PALLD: variants seen among roughly 807,000 people sequenced by gnomAD.
The protein encoded by PALLD is palladin, cytoskeletal associated protein.
A neutral mutation model predicts 123.5 loss-of-function variants in PALLD; 61 were observed. That is an observed-to-expected ratio of 0.49 (90% CI 0.40 to 0.61). The LOEUF is 0.61. Ranked by LOEUF, PALLD falls within the 20% of genes least tolerant of loss-of-function variation. The pLI is 0.00. For missense variants in PALLD, 1,273 were observed against 1,377.0 expected (o/e 0.92, Z 1.20); for synonymous variants, 465 against 496.4 (o/e 0.94, Z 0.84).
At chr4:168,587,749 A>G (rs1193170953) in intron 2 of PALLD, among the ~76,000 whole-genome samples, 3 of 151,990 alleles carry the variant, frequency 2.0e-5, no homozygotes, top group African/African-American at 7.3e-5. Flanking sequence ...TTTCCACCAT[A>G]CAGAAATCCA....
intron 2 of PALLD, among the ~76,000 whole-genome samples, chr4:168,556,431 A>G (rs1767314713): frequency 6.6e-6 from 1 of 152,180 alleles, no homozygotes. Flanking sequence ...CAGAAGTTGA[A>G]GAAGAAGAAG....
At chr4:168,724,565 C>T (rs73864629) in intron 10 of PALLD, among the ~76,000 whole-genome samples, 243 of 152,254 alleles carry the variant, frequency 1.6e-3, no homozygotes, top group African/African-American at 5.6e-3. Flanking sequence ...CCATATGTGA[C>T]AAGGAATTAG....
At chr4:168,752,349 G>A (rs1052296916) in intron 10 of PALLD, among the ~76,000 whole-genome samples, 9 of 152,352 alleles carry the variant, frequency 5.9e-5, no homozygotes, top group African/African-American at 2.2e-4. Context: ...AGTCCAGCCT[G>A]AGGGAGACCC....
chr4:168,662,647 C>G (rs1779236301), intron 2 of PALLD, among the ~76,000 whole-genome samples: 1 of 152,146 alleles, frequency 6.6e-6, no homozygotes, highest in African/African-American at 2.4e-5. Flanking sequence ...CTAAATGATA[C>G]CAGCAACAAG....
chr4:168,826,613 T>G (rs1219967943), intron 10 of PALLD, among the ~76,000 whole-genome samples: 1 of 152,210 alleles, frequency 6.6e-6, no homozygotes, highest in East Asian at 1.9e-4. Flanking sequence ...CAGATTATTT[T>G]TTTTACTCTG....
chr4:168,860,569 A>G (rs1054635534), intron 10 of PALLD, among the ~76,000 whole-genome samples: 2 of 152,184 alleles, frequency 1.3e-5, no homozygotes, highest in Non-Finnish European at 2.9e-5. Context: ...ACTGCCTGTA[A>G]TCCTGCACTC....
Position 168,904,183 on chromosome 4 carries a change from G to A in PALLD, c.2622+277G>A, listed in dbSNP as rs182277102. The A allele has an allele frequency of 1.9e-3, 798 of 422,276 alleles. 4 individuals carry two copies. The highest frequency in any genetic ancestry group is 6.8e-3 in the Admixed American group (195 of 28,798). The allele number at this position is 422,276 out of a possible 1,614,324, so 26.2% of individuals were successfully genotyped here. A position where few individuals can be genotyped will look rare whatever the true frequency, so the allele number is the denominator to read the frequency against. ...CTATGTGGGTGATGGGGTTGCAGTG[G>A]TAGACTGGACAAAGTCCTATGGTAA... On this transcript the variant is annotated intron_variant, in intron 15 of 21. Coordinates refer to ENST00000505667, the MANE Select transcript of PALLD (RefSeq NM_001166108.2).
intron 10 of PALLD, among the ~76,000 whole-genome samples, chr4:168,864,182 A>C (rs1749921166): frequency 1.3e-5 from 2 of 152,262 alleles, no homozygotes; most frequent in Non-Finnish European, 2.9e-5. Flanking sequence ...CGGGACAGTC[A>C]GCTACACATT....
Position 168,891,056 on chromosome 4 carries a change from C to T in PALLD, c.2099C>T (p.Pro700Leu), listed in dbSNP as rs1255873290. Reference protein sequence around the residue: ...FKEDLLNNGQPRLTYEERMAR... With the variant: ...FKEDLLNNGQLRLTYEERMAR... The stretch of plus-strand genomic sequence containing the variant: ...GAGGACCTCCTGAACAATGGCCAGC[C>T]GGTACTGATAGATTTGGGACCTGGA... The change falls in exon 11 of 22, where the codon CCG (proline) becomes CTG (leucine). Residue 700 changes from proline to leucine, a missense_variant and splice_region_variant. Physicochemically the swap from Pro to Leu is moderately conservative, Grantham distance 98. This residue lies in a region of PALLD where 944 missense variants were observed against 954.5 expected (regional missense o/e 0.99). Transcript: ENST00000505667. The T allele has an allele frequency of 7.4e-6, 12 of 1,613,882 alleles. No individual in the cohort carries two copies. The highest frequency in any genetic ancestry group is 2.2e-5 in the East Asian group (1 of 44,892).
chr4:168,765,596 C>G (rs1016552303), intron 10 of PALLD, among the ~76,000 whole-genome samples: 1 of 152,224 alleles, frequency 6.6e-6, no homozygotes, highest in African/African-American at 2.4e-5. Flanking sequence ...CACTGCAGAA[C>G]TGGGTTCCGG....
intron 2 of PALLD, among the ~76,000 whole-genome samples, chr4:168,612,033 G>T (rs1258979620): frequency 6.6e-6 from 1 of 152,072 alleles, no homozygotes; most frequent in Non-Finnish European, 1.5e-5. Flanking sequence ...GGTGGTACAT[G>T]CCTATAGTCC....
chr4:168,925,352 G>T, intron 21 of PALLD, 74 bp downstream of exon 21: 1 of 1,134,582 alleles, frequency 8.8e-7, no homozygotes, highest in East Asian at 2.3e-5. Flanking sequence ...GTTAGTTGTG[G>T]CTTCCTTACT....
chr4:168,672,660 G>C (rs1448980900), intron 3 of PALLD, among the ~76,000 whole-genome samples: 37 of 151,914 alleles, frequency 2.4e-4, no homozygotes, highest in Admixed American at 2.4e-3. Flanking sequence ...GGGTTTCGCC[G>C]TGTTAGCCAG....
chr4:168,892,589 C>A (rs1009741328), intron 11 of PALLD, among the ~76,000 whole-genome samples: 1 of 152,168 alleles, frequency 6.6e-6, no homozygotes, highest in African/African-American at 2.4e-5. Flanking sequence ...AAAATATTTT[C>A]TCCCTGAAAT....
At chr4:168,910,333 TCAC>T (rs1758672394) in intron 15 of PALLD, among the ~76,000 whole-genome samples, 1 of 150,244 alleles carries the variant, frequency 6.7e-6, no homozygotes, top group Non-Finnish European at 1.5e-5. Context: ...AATGCAGCCA[TCAC>T]ACTAACAAGT....
rs886059216 is a variant in PALLD, at chr4:168,928,202, A to G, written c.*2022A>G. 6 of 186,148 alleles carry G rather than the reference A, an allele frequency of 3.2e-5. No homozygotes were observed. Among genetic ancestry groups the G allele is most frequent in the African/African-American group, 7.0e-5 (3 of 42,668 alleles). 11.5% of individuals were successfully genotyped at this position (186,148 alleles called of 1,614,324 possible). A position where few individuals can be genotyped will look rare whatever the true frequency, so the allele number is the denominator to read the frequency against. On this transcript the variant is annotated 3_prime_UTR_variant, in exon 22 of 22. Transcript: ENST00000505667. Reference sequence around the variant, plus strand: ...ACCATACACAGTCTCTCATGGACCTATCTCTATTGTAGAATTATGACTTAT... The same window carrying G: ...ACCATACACAGTCTCTCATGGACCTGTCTCTATTGTAGAATTATGACTTAT...
intron 2 of PALLD, among the ~76,000 whole-genome samples, chr4:168,605,635 C>T (rs1286740469): frequency 6.6e-6 from 1 of 152,202 alleles, no homozygotes; most frequent in Non-Finnish European, 1.5e-5. Flanking sequence ...TGAACGTGGG[C>T]TCTGCAGAGC....
chr4:168,698,560 T>C (rs1405045855), intron 8 of PALLD, among the ~76,000 whole-genome samples: 1 of 152,032 alleles, frequency 6.6e-6, no homozygotes, highest in Non-Finnish European at 1.5e-5. Context: ...GGAGATACCA[T>C]CTCCAGCAAC....
chr4:168,506,895 ATT>A, intron 1 of PALLD, among the ~76,000 whole-genome samples: 1 of 152,258 alleles, frequency 6.6e-6, no homozygotes. Flanking sequence ...TTCCTGAGAT[ATT>A]TTCTTTCCCA....
Sources: allele counts gnomAD v4.1 joint callset (sites outside exome capture counted in the v4.1 genomes callset), GRCh38; gene constraint gnomAD v4.1.1; regional missense constraint gnomAD v4.1.1; transcripts MANE v1.5; gene names NCBI Gene and HGNC (gene_info 2026-07-23, HGNC 2026-07-21).